Variants in LRRC38 observed in about 807,000 individuals in gnomAD.
LRRC38 encodes leucine-rich repeat-containing protein 38.
LRRC38 carries 5 observed loss-of-function variants against 16.4 expected under a neutral mutation model. The observed-to-expected ratio is 0.31, with a 90% confidence interval of 0.16 to 0.64. LRRC38 has a LOEUF of 0.64. Ranked by LOEUF, LRRC38 falls within the 30% of genes least tolerant of loss-of-function variation. The probability of loss-of-function intolerance (pLI) is 0.80; values close to 1 mark genes in which losing one functional copy is unlikely to be tolerated. For synonymous variants in LRRC38, 191 were observed against 190.2 expected (o/e 1.00, Z -0.04); for missense variants, 341 against 401.8 (o/e 0.85, Z 1.29).
intron 1 of LRRC38, among the ~76,000 whole-genome samples, chr1:13,477,657 G>A (rs1045633290): frequency 1.3e-5 from 2 of 152,082 alleles, no homozygotes; most frequent in African/African-American, 4.8e-5. Context: ...GGGCAACATA[G>A]CAAGACCCTG....
At chr1:13,480,072 T>C (rs1638833989) in intron 1 of LRRC38, among the ~76,000 whole-genome samples, 1 of 152,048 alleles carries the variant, frequency 6.6e-6, no homozygotes, top group African/African-American at 2.4e-5. Flanking sequence ...AGTCCGGGAG[T>C]GGTGGCTCAT....
chr1:13,502,634 G>A (rs1478236590), intron 1 of LRRC38, among the ~76,000 whole-genome samples: 1 of 152,202 alleles, frequency 6.6e-6, no homozygotes, highest in Non-Finnish European at 1.5e-5. Context: ...ATAAACCACT[G>A]TCATTTTACT....
chr1:13,481,319 A>G (rs1638850888), intron 1 of LRRC38, among the ~76,000 whole-genome samples: 1 of 151,574 alleles, frequency 6.6e-6, no homozygotes, highest in South Asian at 2.1e-4. Context: ...TGGCCTCCCA[A>G]AGTGCTGGGA....
chr1:13,503,571 T>C (rs149379338), intron 1 of LRRC38, among the ~76,000 whole-genome samples: 15 of 152,084 alleles, frequency 9.9e-5, no homozygotes, highest in African/African-American at 3.1e-4. Flanking sequence ...GCCCAGCCCA[T>C]TCTAAATTGT....
chr1:13,504,189 A>C (rs1639182519), intron 1 of LRRC38, among the ~76,000 whole-genome samples: 1 of 152,092 alleles, frequency 6.6e-6, no homozygotes, highest in Non-Finnish European at 1.5e-5. Flanking sequence ...TCTTTATATG[A>C]CTATCACTTG....
At chr1:13,492,097 G>A (rs772821208) in intron 1 of LRRC38, among the ~76,000 whole-genome samples, 11 of 152,224 alleles carry the variant, frequency 7.2e-5, no homozygotes, top group East Asian at 3.9e-4. Flanking sequence ...AACTCTGTCC[G>A]CATTAAATAC....
chr1:13,489,086 A>C (rs1638976395), intron 1 of LRRC38, among the ~76,000 whole-genome samples: 1 of 152,166 alleles, frequency 6.6e-6, no homozygotes, highest in South Asian at 2.1e-4. Context: ...TGCAGCCATT[A>C]CTGCAGCTAC....
intron 1 of LRRC38, among the ~76,000 whole-genome samples, chr1:13,479,410 AACC>A (rs1463484215): frequency 2.6e-5 from 4 of 152,170 alleles, no homozygotes; most frequent in African/African-American, 4.8e-5. Context: ...TCAACCGGAA[AACC>A]ACCACAACCC....
intron 1 of LRRC38, among the ~76,000 whole-genome samples, chr1:13,488,036 G>GTGTGTTTT (rs1553135213): frequency 4.1e-5 from 6 of 147,162 alleles, no homozygotes; most frequent in African/African-American, 1.5e-4. Context: ...GTGTGTTTGT[G>GTGTGTTTT]TGTGTGTGTG....
chr1:13,483,141 T>A (rs565446191), intron 1 of LRRC38, among the ~76,000 whole-genome samples: 61 of 151,896 alleles, frequency 4.0e-4, no homozygotes, highest in Middle Eastern at 6.8e-3. Context: ...CTTTTTTTTT[T>A]AATTTTATTA....
At chr1:13,509,671 G>A (rs1639253168) in intron 1 of LRRC38, among the ~76,000 whole-genome samples, 1 of 152,048 alleles carries the variant, frequency 6.6e-6, no homozygotes, top group Admixed American at 6.6e-5. Context: ...GCCTCCCCAG[G>A]CCTTGACTTC....
At chr1:13,484,884 G>A (rs1638912132) in intron 1 of LRRC38, among the ~76,000 whole-genome samples, 1 of 152,224 alleles carries the variant, frequency 6.6e-6, no homozygotes, top group South Asian at 2.1e-4. Flanking sequence ...TTACCTGCTT[G>A]AGGTTATCCA....
intron 1 of LRRC38, among the ~76,000 whole-genome samples, chr1:13,501,016 T>C (rs1009014051): frequency 6.6e-6 from 1 of 152,150 alleles, no homozygotes; most frequent in African/African-American, 2.4e-5. Flanking sequence ...GTAATCCCTT[T>C]GTCAAAACCC....
chr1:13,491,927 C>T (rs1438781785), intron 1 of LRRC38, among the ~76,000 whole-genome samples: 1 of 152,170 alleles, frequency 6.6e-6, no homozygotes, highest in African/African-American at 2.4e-5. Context: ...TCACCTGCCT[C>T]GGCCTCCTAA....
At chr1:13,476,223 G>T in intron 1 of LRRC38, 124 bp from the exon 2 acceptor site, 1 of 765,722 alleles carries the variant, frequency 1.3e-6, no homozygotes, top group Non-Finnish European at 2.0e-6. Context: ...TAAAAGGGGG[G>T]AAAAGGCTAA....
At chr1:13,485,277 TAAAA>T (rs3060199) in intron 1 of LRRC38, among the ~76,000 whole-genome samples, 1 of 97,820 alleles carries the variant, frequency 1.0e-5, no homozygotes, top group Non-Finnish European at 2.0e-5. Flanking sequence ...AACCCCACCT[TAAAA>T]AAAAAAAAAA....
At chr1:13,481,787 C>CT (rs1491522903) in intron 1 of LRRC38, among the ~76,000 whole-genome samples, 119 of 24,816 alleles carry the variant, frequency 4.8e-3, no homozygotes, top group East Asian at 0.018. Context: ...CTCCCTCTCT[C>CT]CCTCTCTCTC....
Position 13,475,446 on chromosome 1 carries a change from A to G in LRRC38, c.*400T>C, listed in dbSNP as rs1638774922. The G allele has an allele frequency of 5.8e-6, 1 of 172,074 alleles. No homozygotes were observed. The highest frequency in any genetic ancestry group is 1.5e-4 in the South Asian group (1 of 6,462). 10.7% of individuals were successfully genotyped at this position (172,074 alleles called of 1,614,324 possible). On this transcript the variant is annotated 3_prime_UTR_variant, in exon 2 of 2. Coordinates refer to ENST00000376085, the MANE Select transcript of LRRC38 (RefSeq NM_001010847.2). This position sits in a 1 kb window ranked among gnomAD's most constrained non-coding sequence, Gnocchi z 4.3. ...CTGCTGTTTCTTGGGAGGAAGGCAG[A>G]TGTTTCATGATCTCCCAGTACAGGT...
At chr1:13,486,786 T>C (rs1638940806) in intron 1 of LRRC38, among the ~76,000 whole-genome samples, 1 of 152,100 alleles carries the variant, frequency 6.6e-6, no homozygotes, top group African/African-American at 2.4e-5. Flanking sequence ...AGACGAGATT[T>C]CGCCATGTTG....
Sources: allele counts gnomAD v4.1 joint callset (sites outside exome capture counted in the v4.1 genomes callset), GRCh38; gene constraint gnomAD v4.1.1; non-coding constraint Gnocchi (gnomAD v3.1); transcripts MANE v1.5; gene names NCBI Gene and HGNC (gene_info 2026-07-23, HGNC 2026-07-21).